Variants in NSUN2 observed in about 807,000 individuals in gnomAD.
NSUN2 encodes RNA cytosine C(5)-methyltransferase NSUN2.
In NSUN2, 63 loss-of-function variants were observed where a neutral mutation model predicts 92.7. The ratio of observed to expected loss-of-function variants is 0.68; its 90% CI spans 0.56 to 0.84. NSUN2 has a LOEUF of 0.84. NSUN2 is among the 40% of genes least tolerant of loss of function. The pLI is 0.00. For synonymous variants in NSUN2, 356 were observed against 348.3 expected, an observed-to-expected ratio of 1.02 and a Z score of -0.25; for missense variants, 989 against 964.9, an observed-to-expected ratio of 1.02 and a Z score of -0.33.
chr5:6,599,819 A>G lies in NSUN2; in HGVS notation c.*107T>C. On this transcript the variant is annotated 3_prime_UTR_variant, in exon 19 of 19. Transcript: ENST00000264670. ...ACCAGTCTGCAGTCATTAGAAATAT[A>G]TGCTTTACAGGCCACAGGCTGCTCT... is the stretch of plus-strand genomic sequence containing the variant. 1 of 942,588 alleles carries G rather than the reference A, an allele frequency of 1.1e-6. No homozygotes were observed. 58.4% of individuals were successfully genotyped at this position (942,588 alleles called of 1,614,324 possible).
In NSUN2 at chr5:6,632,691, C is replaced by G; in HGVS notation, c.162G>C (p.Glu54Asp). The G allele has an allele frequency of 1.9e-6, 3 of 1,614,198 alleles. No individual in the cohort carries two copies. Among genetic ancestry groups the G allele is most frequent in the Non-Finnish European group, 2.5e-6 (3 of 1,180,030 alleles). Residue 54 changes from glutamate to aspartate, a missense_variant, in exon 2 of 19, where the codon GAG (glutamate) becomes GAC (aspartate). Glu to Asp is a conservative substitution (Grantham distance 45). Coordinates refer to ENST00000264670, the MANE Select transcript of NSUN2 (RefSeq NM_017755.6). ...ENKLFEHYYQ[E>D]LKIVPEGEWG... ...ACTCGCCCTCGGGCACGATCTTGAG[C>G]TCCTGGTAGTAGTGCTCGAACAGCT... is the stretch of plus-strand genomic sequence containing the variant.
At chr5:6,619,538 T>C (rs947838657) in intron 7 of NSUN2, among the ~76,000 whole-genome samples, 22 of 152,240 alleles carry the variant, frequency 1.4e-4, no homozygotes, top group Admixed American at 4.6e-4. Context: ...TACTCAGTTA[T>C]ACCATGAGTA....
At chr5:6,600,931 G>A (rs1736527514) in intron 18 of NSUN2, among the ~76,000 whole-genome samples, 1 of 151,630 alleles carries the variant, frequency 6.6e-6, no homozygotes, top group Non-Finnish European at 1.5e-5. Flanking sequence ...GGCTCCACCT[G>A]TCCAGCCAGG....
At chr5:6,609,724 A>G in intron 12 of NSUN2, 102 bp downstream of exon 12, 1 of 866,182 alleles carries the variant, frequency 1.2e-6, no homozygotes, top group Admixed American at 2.3e-5. Context: ...GCCCACAGCA[A>G]GAAGCTCCTC....
Position 6,611,644 on chromosome 5 carries a change from A to T in NSUN2, c.1095+81T>A, listed in dbSNP as rs10454287. On this transcript the variant is annotated intron_variant, in intron 10 of 18. Transcript: ENST00000264670. ...TGTAGTATTTATTCAAGTTACTCAC[A>T]CGTGAATGCTTTGAAACTTGACTCT... 0.63 allele frequency: 708,413 copies of T among 1,116,642 alleles called. 227,964 individuals carry two copies. Among genetic ancestry groups the T allele is most frequent in the Non-Finnish European group, 0.67 (496,413 of 739,294 alleles). The allele number at this position is 1,116,642 out of a possible 1,614,324, so 69.2% of individuals were successfully genotyped here.
chr5:6,604,094 A>C (rs778777438), intron 17 of NSUN2, 44 bp downstream of exon 17: 1 of 1,577,722 alleles, frequency 6.3e-7, no homozygotes, highest in South Asian at 1.2e-5. Context: ...CTGGCCTTAT[A>C]AAGGGAATAC....
At chr5:6,601,437 C>T (rs371581387) in intron 18 of NSUN2, among the ~76,000 whole-genome samples, 30 of 152,062 alleles carry the variant, frequency 2.0e-4, no homozygotes, top group African/African-American at 4.6e-4. Flanking sequence ...GGTGCTCATG[C>T]GCTCGGCCTC....
At chr5:6,622,229 A>G in intron 5 of NSUN2, 129 bp from the exon 6 acceptor site, 2 of 683,570 alleles carry the variant, frequency 2.9e-6, no homozygotes, top group South Asian at 3.9e-5. Flanking sequence ...AGTCTATAGC[A>G]TGACATAATT....
Position 6,611,777 on chromosome 5 carries a change from A to G in NSUN2, c.1043T>C (p.Val348Ala). 1 of 1,614,210 alleles carries G rather than the reference A, an allele frequency of 6.2e-7. No homozygotes were observed. Among genetic ancestry groups the G allele is most frequent in the South Asian group, 1.1e-5 (1 of 91,090 alleles). ...KSEGALELADVSNELPGLKWM... is the reference protein window; with the variant it reads ...KSEGALELADASNELPGLKWM... ...CTTCAGCCCTGGCAGTTCATTAGAC[A>G]CATCAGCAAGCTCCAAAGCACCTGT... The change falls in exon 10 of 19, where the codon GTG (valine) becomes GCG (alanine). Residue 348 changes from valine to alanine, a missense_variant. By Grantham distance (64) the Val-to-Ala change is moderately conservative. Coordinates refer to ENST00000264670, the MANE Select transcript of NSUN2 (RefSeq NM_017755.6).
At chr5:6,623,310 A>G (rs780068796) in intron 4 of NSUN2, 25 bp from the exon 5 acceptor site, 1 of 1,494,996 alleles carries the variant, frequency 6.7e-7, no homozygotes, top group Admixed American at 2.6e-5. Context: ...AAAAATCAGC[A>G]ACAATTAGGA....
chr5:6,604,865 G>A lies in NSUN2; in HGVS notation c.1738-180C>T. ...TCACAACTTGTGATTACGTCGTTTGGAGGACAGTAAAGCAAATGAAAGAAG... is the reference window on the plus strand; with the variant it reads ...TCACAACTTGTGATTACGTCGTTTGAAGGACAGTAAAGCAAATGAAAGAAG... On this transcript the variant is annotated intron_variant, in intron 15 of 18. Transcript: ENST00000264670. The A allele has an allele frequency of 8.0e-6, 5 of 623,798 alleles. No individual in the cohort carries two copies. In the Admixed American group the frequency reaches 1.4e-4, roughly 18 times the overall value. The allele number at this position is 623,798 out of a possible 1,614,324, so 38.6% of individuals were successfully genotyped here.
chr5:6,603,159 A>C (rs2126468457), intron 17 of NSUN2, among the ~76,000 whole-genome samples: 1 of 152,392 alleles, frequency 6.6e-6, no homozygotes, highest in Admixed American at 6.5e-5. Flanking sequence ...AACAAGAATG[A>C]AGACAACAGA....
chr5:6,617,638 A>C (rs905928644), intron 8 of NSUN2, among the ~76,000 whole-genome samples: 1 of 152,226 alleles, frequency 6.6e-6, no homozygotes, highest in Non-Finnish European at 1.5e-5. Context: ...ACAAAAACAG[A>C]GAGAAAAGAT....
At chr5:6,610,246 T>C (rs1736933368) in intron 11 of NSUN2, among the ~76,000 whole-genome samples, 1 of 150,612 alleles carries the variant, frequency 6.6e-6, no homozygotes, top group Non-Finnish European at 1.5e-5. Context: ...GTATTTTTCT[T>C]TTTTTTTTTC....
chr5:6,621,743 A>G lies in NSUN2; in HGVS notation c.622+273T>C, dbSNP rs577790374. The G allele has an allele frequency of 5.8e-4, 152 of 261,824 alleles. 1 individual carries two copies. Among genetic ancestry groups the G allele is most frequent in the South Asian group, 5.2e-3 (131 of 25,122 alleles). The allele number at this position is 261,824 out of a possible 1,614,324, so 16.2% of individuals were successfully genotyped here. A position where few individuals can be genotyped will look rare whatever the true frequency, so the allele number is the denominator to read the frequency against. On this transcript the variant is annotated intron_variant, in intron 6 of 18. Transcript: ENST00000264670. ...AGCCTGGGCAACAGAGTGAGACTCC[A>G]TCTCAAAAAAAAAAAAAAGAAATGC... is the stretch of plus-strand genomic sequence containing the variant.
intron 17 of NSUN2, among the ~76,000 whole-genome samples, chr5:6,602,818 C>T (rs1736611223): frequency 6.6e-6 from 1 of 152,120 alleles, no homozygotes; most frequent in Non-Finnish European, 1.5e-5. Context: ...CTTCAAAATT[C>T]AAAATTAAAT....
rs1737004129 is a variant in NSUN2 at position 6,611,776 on chromosome 5, C to A, written c.1044G>T (p.Val348=). The A allele has an allele frequency of 6.2e-7, 1 of 1,614,050 alleles. No individual in the cohort carries two copies. Among genetic ancestry groups the A allele is most frequent in the Admixed American group, 1.7e-5 (1 of 60,006 alleles). Reference sequence around the variant, plus strand: ...ACTTCAGCCCTGGCAGTTCATTAGACACATCAGCAAGCTCCAAAGCACCTG... The same window carrying A: ...ACTTCAGCCCTGGCAGTTCATTAGAAACATCAGCAAGCTCCAAAGCACCTG... ...KSEGALELAD[V]SNELPGLKWM... is the part of the protein sequence containing the mutation. Residue 348 remains valine (V), a synonymous_variant, in exon 10 of 19, where the codon GTG becomes GTT. Coordinates refer to ENST00000264670, the MANE Select transcript of NSUN2 (RefSeq NM_017755.6).
At chr5:6,609,978 C>T in intron 11 of NSUN2, 56 bp from the exon 12 acceptor site, 5 of 1,209,456 alleles carry the variant, frequency 4.1e-6, no homozygotes, top group Non-Finnish European at 5.9e-6. Context: ...CATTCTTTTA[C>T]TATTAAGACA....
chr5:6,626,138 C>T (rs1341613496), intron 3 of NSUN2, among the ~76,000 whole-genome samples: 1 of 152,014 alleles, frequency 6.6e-6, no homozygotes, highest in Non-Finnish European at 1.5e-5. Flanking sequence ...TTCATTATTT[C>T]TAACACCAGT....
Sources: allele counts gnomAD v4.1 joint callset (sites outside exome capture counted in the v4.1 genomes callset), GRCh38; gene constraint gnomAD v4.1.1; transcripts MANE v1.5; gene names NCBI Gene and HGNC (gene_info 2026-07-23, HGNC 2026-07-21).